DCAF17: variants seen among roughly 807,000 people sequenced by gnomAD.
The protein encoded by DCAF17 is DDB1- and CUL4-associated factor 17.
Under a neutral mutation model 66.0 loss-of-function variants are expected in DCAF17, and 48 were observed. That is an observed-to-expected ratio of 0.73 (90% CI 0.58 to 0.92). DCAF17 has a LOEUF of 0.92. DCAF17 is among the 40% of genes least tolerant of loss of function. The pLI is 0.00. For missense variants in DCAF17, 562 were observed against 622.8 expected (o/e 0.90, Z 1.04); for synonymous variants, 206 against 214.6 (o/e 0.96, Z 0.35).
At chr2:171,450,067 A>T in intron 5 of DCAF17, 110 bp downstream of exon 5, 1 of 974,046 alleles carries the variant, frequency 1.0e-6, no homozygotes, top group South Asian at 1.4e-5. Context: ...CATGCTGTAA[A>T]AGATAGGATT....
At chr2:171,464,781 C>A (rs1329558253) in intron 8 of DCAF17, among the ~76,000 whole-genome samples, 2 of 152,042 alleles carry the variant, frequency 1.3e-5, no homozygotes, top group Non-Finnish European at 2.9e-5. Context: ...TTTAGCCGTT[C>A]TTTTTTGATT....
chr2:171,443,590 G>C lies in DCAF17; in HGVS notation c.298G>C (p.Ala100Pro), dbSNP rs1177134591. ...KCSKSEKIED[A>P]LLWECPVGDI... ...TTCCAAATCAGAAAAAATAGAGGAT[G>C]CTTTATTATGGGAATGCCCAGTGGT... is the stretch of plus-strand genomic sequence containing the variant. Residue 100 changes from alanine to proline, a missense_variant, in exon 3 of 14, where the codon GCT (alanine) becomes CCT (proline). By Grantham distance (27) the Ala-to-Pro change is conservative. Transcript: ENST00000375255. The C allele has an allele frequency of 6.2e-7, 1 of 1,612,992 alleles. No individual in the cohort carries two copies.
chr2:171,468,829 G>T, intron 8 of DCAF17, 59 bp from the exon 9 acceptor site: 1 of 1,609,476 alleles, frequency 6.2e-7, no homozygotes, highest in South Asian at 1.1e-5. Flanking sequence ...TTCAGTTAAT[G>T]AATAGTCCAG....
At chr2:171,448,303 A>C (rs899539935) in intron 3 of DCAF17, among the ~76,000 whole-genome samples, 1 of 151,892 alleles carries the variant, frequency 6.6e-6, no homozygotes, top group Non-Finnish European at 1.5e-5. Flanking sequence ...ATAGCAGAGG[A>C]CTCTTAATCG....
chr2:171,477,777 C>G (rs536557023), intron 11 of DCAF17, among the ~76,000 whole-genome samples: 1 of 152,086 alleles, frequency 6.6e-6, no homozygotes, highest in African/African-American at 2.4e-5. Context: ...GATCGCACCA[C>G]GGCACTCCAG....
chr2:171,441,900 T>G (rs570310881), intron 2 of DCAF17, among the ~76,000 whole-genome samples: 95 of 152,346 alleles, frequency 6.2e-4, no homozygotes, highest in Non-Finnish European at 1.1e-3. Flanking sequence ...CATGCCCTCA[T>G]GCTGGAAGTG....
In DCAF17 at chr2:171,458,387, C is replaced by A. The variant is rs1425543358; in HGVS notation, c.748C>A (p.Leu250Ile). 1.9e-6 allele frequency: 3 copies of A among 1,613,746 alleles called. No homozygotes were observed. The highest frequency in any genetic ancestry group is 1.3e-5 in the African/African-American group (1 of 74,858). Reference sequence around the variant, plus strand: ...TTGTTTTTAGTTCATGCAACAGAAACTTGACTTAGGGTGTGCATGCAGATG... The same window carrying A: ...TTGTTTTTAGTTCATGCAACAGAAAATTGACTTAGGGTGTGCATGCAGATG... ...TIAEQFMQQKLDLGCACRWGG... is the reference protein window; with the variant it reads ...TIAEQFMQQKIDLGCACRWGG... Residue 250 changes from leucine (L) to isoleucine (I), a missense_variant, in exon 8 of 14, where the codon CTT (leucine) becomes ATT (isoleucine). This residue lies in a region of DCAF17 where 348 missense variants were observed against 355.9 expected (regional missense o/e 0.98). Coordinates refer to ENST00000375255, the MANE Select transcript of DCAF17 (RefSeq NM_025000.4).
chr2:171,459,495 C>T (rs909961028), intron 8 of DCAF17, among the ~76,000 whole-genome samples: 1 of 152,254 alleles, frequency 6.6e-6, no homozygotes, highest in African/African-American at 2.4e-5. Context: ...ATCCTAATAT[C>T]TGTTTATCTT....
intron 2 of DCAF17, among the ~76,000 whole-genome samples, chr2:171,441,069 A>G (rs937286075): frequency 6.6e-6 from 1 of 152,164 alleles, no homozygotes; most frequent in East Asian, 1.9e-4. Flanking sequence ...CCAGCCTACA[A>G]TTTAGCCTGT....
Position 171,468,129 on chromosome 2 carries a change from A to G in DCAF17, c.839-759A>G, listed in dbSNP as rs1696030883. Among the ~76,000 whole-genome samples, 3 of 152,194 alleles carry G rather than the reference A, an allele frequency of 2.0e-5. No individual in the cohort carries two copies. The South Asian group carries it at 6.2e-4, about 32-fold the overall frequency. ...CTTCTATTTATGCATCTAAGAATAG[A>G]TCTATTATGCCCTACTTAAAGTTGT... On this transcript the variant is annotated intron_variant, in intron 8 of 13. Coordinates refer to ENST00000375255, the MANE Select transcript of DCAF17 (RefSeq NM_025000.4).
At position 171,451,887 on chromosome 2, in the gene DCAF17, A is replaced by G. The variant is rs558883439; in HGVS notation, c.538-1237A>G. 2.0e-5 allele frequency among the ~76,000 whole-genome samples: 3 copies of G among 152,298 alleles called. No individual in the cohort carries two copies. The South Asian group carries it at 6.2e-4, about 32-fold the overall frequency. ...TTTAAGTTTAATTCTATACGTTATC[A>G]TATGTTAATGTTTTACATTTACCAT... On this transcript the variant is annotated intron_variant, in intron 5 of 13. Coordinates refer to ENST00000375255, the MANE Select transcript of DCAF17 (RefSeq NM_025000.4).
At chr2:171,452,353 C>A (rs1048433199) in intron 5 of DCAF17, among the ~76,000 whole-genome samples, 12 of 151,992 alleles carry the variant, frequency 7.9e-5, no homozygotes, top group Non-Finnish European at 1.0e-4. Context: ...CCTTGTTCTT[C>A]AAAGTAAGGA....
At position 171,434,532 on chromosome 2, in the gene DCAF17, G is replaced by C. The variant is rs1574299155; in HGVS notation, c.-46G>C. On this transcript the variant is annotated 5_prime_UTR_variant, in exon 1 of 14. Coordinates refer to ENST00000375255, the MANE Select transcript of DCAF17 (RefSeq NM_025000.4). ...GCTGCCCAGCACGGGAGTGTGGGGCGCGCCACTCGGCGGCCCAGCCTACCC... is the reference window on the plus strand; with the variant it reads ...GCTGCCCAGCACGGGAGTGTGGGGCCCGCCACTCGGCGGCCCAGCCTACCC... The C allele has an allele frequency of 1.3e-6, 2 of 1,522,470 alleles. No homozygotes were observed. The highest frequency in any genetic ancestry group is 8.8e-7 in the Non-Finnish European group (1 of 1,139,726). 94.3% of individuals were successfully genotyped at this position (1,522,470 alleles called of 1,614,324 possible).
At position 171,484,796 on chromosome 2, in the gene DCAF17, A is replaced by G. The variant is rs752201590; in HGVS notation, c.*3682A>G. The G allele has an allele frequency of 1.6e-4, 72 of 453,908 alleles. No homozygotes were observed. Among genetic ancestry groups the G allele is most frequent in the Non-Finnish European group, 2.6e-4 (60 of 226,762 alleles). The allele number at this position is 453,908 out of a possible 1,614,324, so 28.1% of individuals were successfully genotyped here. A position where few individuals can be genotyped will look rare whatever the true frequency, so the allele number is the denominator to read the frequency against. Reference sequence around the variant, plus strand: ...CTACTGTTCTCATTCTTTTATATCAAAGGTTAAATTTACCTGTTCTAAACT... The same window carrying G: ...CTACTGTTCTCATTCTTTTATATCAGAGGTTAAATTTACCTGTTCTAAACT... On this transcript the variant is annotated 3_prime_UTR_variant, in exon 14 of 14. Transcript: ENST00000375255.
chr2:171,440,137 G>A (rs1384715438), intron 2 of DCAF17, among the ~76,000 whole-genome samples: 2 of 152,106 alleles, frequency 1.3e-5, no homozygotes, highest in Non-Finnish European at 2.9e-5. Flanking sequence ...CTTAATCATT[G>A]TTATTTTAAT....
chr2:171,469,633 A>G (rs7591821), intron 9 of DCAF17, among the ~76,000 whole-genome samples: 1 of 152,188 alleles, frequency 6.6e-6, no homozygotes, highest in Admixed American at 6.5e-5. Context: ...TTGAGGGCCT[A>G]CCATGTGCCA....
chr2:171,444,947 A>G (rs1028685096), intron 3 of DCAF17, among the ~76,000 whole-genome samples: 6 of 152,102 alleles, frequency 3.9e-5, no homozygotes, highest in African/African-American at 1.4e-4. Context: ...TTTTAAACCT[A>G]TGTTTTCTTC....
At chr2:171,469,432 TG>T (rs1180050927) in intron 9 of DCAF17, among the ~76,000 whole-genome samples, 1 of 152,212 alleles carries the variant, frequency 6.6e-6, no homozygotes, top group Admixed American at 6.5e-5. Context: ...CAGAACCAGA[TG>T]GAACTCTGGT....
chr2:171,457,664 T>C (rs1304168165), intron 6 of DCAF17, among the ~76,000 whole-genome samples: 1 of 152,212 alleles, frequency 6.6e-6, no homozygotes, highest in East Asian at 1.9e-4. Flanking sequence ...TGCCAGTGTC[T>C]ATGAGGAATG....
Sources: gnomAD v4.1 joint callset for allele counts (sites outside exome capture counted in the v4.1 genomes callset) on GRCh38, gnomAD v4.1.1 for gene constraint, gnomAD v4.1.1 regional missense constraint, MANE v1.5 for transcripts, NCBI Gene and HGNC (gene_info 2026-07-23, HGNC 2026-07-21) for gene names.